The following WASHC2C variants were observed in gnomAD, a reference collection of about 807,000 sequenced individuals.
WASHC2C encodes the protein Vaccinia Penetration Factor.
A neutral mutation model predicts 142.2 loss-of-function variants in WASHC2C; 73 were observed. That is an observed-to-expected ratio of 0.51 (90% CI 0.43 to 0.62). The LOEUF (loss-of-function observed/expected upper bound fraction) is 0.62, where lower values mean the gene tolerates loss of function less well. WASHC2C is among the 20% of genes least tolerant of loss of function. The pLI is 0.00. For missense variants in WASHC2C, 969 were observed against 1,531.7 expected (o/e 0.63, Z 6.13); for synonymous variants, 337 against 565.5 (o/e 0.60, Z 5.73).
chr10:45,786,875 G>T, intron 27 of WASHC2C, 160 bp from the exon 28 acceptor site: 2 of 1,574,146 alleles, frequency 1.3e-6, no homozygotes, highest in African/African-American at 1.4e-5. Context: ...GGTGTAAGAC[G>T]CTCTGTTTTA....
At chr10:45,754,876 G>A (rs2054047164) in intron 14 of WASHC2C, 60 bp from the exon 15 acceptor site, 20 of 1,590,904 alleles carry the variant, frequency 1.3e-5, no homozygotes, top group Non-Finnish European at 1.6e-5. Flanking sequence ...ATTTTTTTCT[G>A]TAAATTCAAC....
At chr10:45,733,968 G>A (rs1228356100) in intron 3 of WASHC2C, among the ~76,000 whole-genome samples, 4 of 152,016 alleles carry the variant, frequency 2.6e-5, no homozygotes, top group African/African-American at 4.8e-5. Flanking sequence ...GGTGGCTCAC[G>A]CCTGTAGCAC....
At chr10:45,754,865 A>G (rs2054046039) in intron 14 of WASHC2C, 71 bp from the exon 15 acceptor site, 1 of 1,568,322 alleles carries the variant, frequency 6.4e-7, no homozygotes, top group Admixed American at 1.9e-5. Flanking sequence ...GGTGGGTGAT[A>G]ATTTTTTTCT....
intron 17 of WASHC2C, among the ~76,000 whole-genome samples, chr10:45,762,037 T>A (rs2135101549): frequency 6.7e-6 from 1 of 149,414 alleles, no homozygotes; most frequent in African/African-American, 2.5e-5. Flanking sequence ...TCCAAAGAGG[T>A]CTTAGAAATA....
chr10:45,736,888 T>A (rs1233925588), intron 3 of WASHC2C, among the ~76,000 whole-genome samples: 1 of 152,150 alleles, frequency 6.6e-6, no homozygotes, highest in African/African-American at 2.4e-5. Context: ...ACTCAAAGTT[T>A]TATAATCACG....
chr10:45,772,902 G>A (rs1180556301), intron 20 of WASHC2C, among the ~76,000 whole-genome samples: 2 of 152,136 alleles, frequency 1.3e-5, no homozygotes, highest in Admixed American at 6.6e-5. Context: ...AAATAGGCAC[G>A]TCCGCTTTGA....
chr10:45,764,227 TATA>T (rs1314486268), intron 18 of WASHC2C, among the ~76,000 whole-genome samples: 1 of 150,084 alleles, frequency 6.7e-6, no homozygotes, highest in African/African-American at 2.5e-5. Context: ...ATATAAATAG[TATA>T]ATATCTATTT....
chr10:45,750,990 C>G (rs1185942284), intron 10 of WASHC2C, among the ~76,000 whole-genome samples, 152 bp downstream of exon 10: 3 of 152,004 alleles, frequency 2.0e-5, no homozygotes, highest in African/African-American at 7.3e-5. Context: ...GCGCTTATTC[C>G]TTTTTTGGTT....
chr10:45,754,954 G>A lies in WASHC2C; in HGVS notation c.1259G>A (p.Gly420Asp), dbSNP rs782209581. ...CTCACAGGAGACACGGATGTGTTTG[G>A]TGCTGCCTCCGTTCCATCACTGAAG... ...SVFLGDTDVF[G>D]AASVPSLKEP... Residue 420 changes from glycine to aspartate, a missense_variant, in exon 15 of 31, where the codon GGT becomes GAT. Gly to Asp is a moderately conservative substitution (Grantham distance 94). Coordinates refer to ENST00000623400, the MANE Select transcript of WASHC2C (RefSeq NM_001330074.2). 2 of 1,611,956 alleles carry A rather than the reference G, an allele frequency of 1.2e-6. No homozygotes were observed. The highest frequency in any genetic ancestry group is 1.7e-5 in the Admixed American group (1 of 60,008).
At position 45,751,553 on chromosome 10, in the gene WASHC2C, G is replaced by A. The variant is rs372618712; in HGVS notation, c.1003G>A (p.Asp335Asn). The A allele has an allele frequency of 4.8e-5, 69 of 1,430,386 alleles. No individual in the cohort carries two copies. The highest frequency in any genetic ancestry group is 7.3e-5 in the African/African-American group (5 of 68,246). The allele number at this position is 1,430,386 out of a possible 1,614,324, so 88.6% of individuals were successfully genotyped here. The change falls in exon 11 of 31, where the codon GAT becomes AAT. Residue 335 changes from aspartate to asparagine, a missense_variant and splice_region_variant. Physicochemically the swap from Asp to Asn is conservative, Grantham distance 23. Coordinates refer to ENST00000623400, the MANE Select transcript of WASHC2C (RefSeq NM_001330074.2). ...GAAGGAAAGGAGAACTCCTTCAGAC[G>A]GTGGGCCTTTTCCCTCAATTCTGTT... ...EKKERRTPSD[D>N]EEDNLFAPPK...
chr10:45,751,025 C>A (rs2053522387), intron 10 of WASHC2C, among the ~76,000 whole-genome samples, 187 bp downstream of exon 10: 1 of 152,068 alleles, frequency 6.6e-6, no homozygotes, highest in African/African-American at 2.4e-5. Flanking sequence ...GATAACTGAA[C>A]ACTGTGGACC....
intron 17 of WASHC2C, among the ~76,000 whole-genome samples, chr10:45,761,317 G>A (rs2055048691): frequency 6.6e-6 from 1 of 152,178 alleles, no homozygotes; most frequent in South Asian, 2.1e-4. Flanking sequence ...CCCGATGGAG[G>A]CCATGTCGCC....
In WASHC2C at chr10:45,739,235, T is replaced by C. The variant is rs575119679; in HGVS notation, c.355-838T>C. On this transcript the variant is annotated intron_variant, in intron 4 of 30. Transcript: ENST00000623400. The stretch of plus-strand genomic sequence containing the variant: ...AAAATACACAACCAAGACAAAAAAG[T>C]TCAGTTAGAAAGACTTCAGTACTTG... Among the ~76,000 whole-genome samples, 46 of 151,298 alleles carry C rather than the reference T, an allele frequency of 3.0e-4. No homozygotes were observed. The East Asian group carries it at 7.2e-3, about 24-fold the overall frequency.
chr10:45,750,828 G>T lies in WASHC2C; in HGVS notation c.921G>T (p.Glu307Asp). ...IKGDAMGRVD[E>D]EPTTLPSGEA... ...GGGATGCCATGGGTCGAGTGGACGAGGAGCCGACAAGTGAGCCCCAGCCAC... is the reference window on the plus strand; with the variant it reads ...GGGATGCCATGGGTCGAGTGGACGATGAGCCGACAAGTGAGCCCCAGCCAC... Residue 307 changes from glutamate to aspartate, a missense_variant, in exon 10 of 31, where the codon GAG becomes GAT. Physicochemically the swap from Glu to Asp is conservative, Grantham distance 45 (BLOSUM62 2). Coordinates refer to ENST00000623400, the MANE Select transcript of WASHC2C (RefSeq NM_001330074.2). 1.3e-6 allele frequency: 2 copies of T among 1,548,324 alleles called. No individual in the cohort carries two copies. The highest frequency in any genetic ancestry group is 1.7e-6 in the Non-Finnish European group (2 of 1,146,858).
chr10:45,732,271 A>G (rs1336836821), intron 3 of WASHC2C, among the ~76,000 whole-genome samples: 1 of 152,208 alleles, frequency 6.6e-6, no homozygotes, highest in Non-Finnish European at 1.5e-5. Context: ...GTTGCAAACT[A>G]TATTATAAAG....
At chr10:45,751,387 G>T (rs1209472216) in intron 10 of WASHC2C, 95 bp from the exon 11 acceptor site, 24 of 924,316 alleles carry the variant, frequency 2.6e-5, no homozygotes, top group Admixed American at 1.0e-4. Flanking sequence ...CTTGCTCTTA[G>T]CTGTGAGTTA....
rs752355779 is a variant in WASHC2C at position 45,727,441 on chromosome 10, G to A, written c.28G>A (p.Glu10Lys). 9 of 1,611,456 alleles carry A rather than the reference G, an allele frequency of 5.6e-6. No individual in the cohort carries two copies. In the Admixed American group the frequency reaches 1.5e-4, roughly 27 times the overall value. ...GATGAACCGGACGACCCCCGACCAG[G>A]AGCTGGTGCCGGCGTCGGAGCCCGT... MMNRTTPDQ[E>K]LVPASEPVWE... The change falls in exon 2 of 31, where the codon GAG (glutamate) becomes AAG (lysine). Residue 10 changes from glutamate to lysine, a missense_variant. By Grantham distance (56) the Glu-to-Lys change is moderately conservative. Coordinates refer to ENST00000623400, the MANE Select transcript of WASHC2C (RefSeq NM_001330074.2).
intron 4 of WASHC2C, among the ~76,000 whole-genome samples, chr10:45,739,436 CT>C (rs1367302984): frequency 2.0e-5 from 3 of 150,918 alleles, no homozygotes; most frequent in Non-Finnish European, 4.4e-5. Flanking sequence ...CCATTGAGAA[CT>C]GCTGTTGCAG....
At chr10:45,735,344 C>T (rs531997232) in intron 3 of WASHC2C, among the ~76,000 whole-genome samples, 5 of 151,146 alleles carry the variant, frequency 3.3e-5, no homozygotes, top group African/African-American at 1.2e-4. Context: ...ATTCTCCTGC[C>T]TCAGCCTCCT....
Sources: gnomAD v4.1 joint callset for allele counts (sites outside exome capture counted in the v4.1 genomes callset) on GRCh38, gnomAD v4.1.1 for gene constraint, MANE v1.5 for transcripts, NCBI Gene and HGNC (gene_info 2026-07-23, HGNC 2026-07-21) for gene names.